Variants in JAG1 observed in about 807,000 individuals in gnomAD.
JAG1 encodes the protein protein jagged-1.
A neutral mutation model predicts 148.7 loss-of-function variants in JAG1; 23 were observed. That is an observed-to-expected ratio of 0.15 (90% CI 0.11 to 0.22). The LOEUF (loss-of-function observed/expected upper bound fraction) is 0.22, where lower values mean the gene tolerates loss of function less well. Ranked by LOEUF, JAG1 falls within the 10% of genes least tolerant of loss-of-function variation. The pLI is 1.00. For missense variants in JAG1, 1,054 were observed against 1,611.2 expected (o/e 0.65, Z 5.92); for synonymous variants, 572 against 598.3 (o/e 0.96, Z 0.64).
chr20:10,660,975 G>A (rs1290806111), intron 3 of JAG1, among the ~76,000 whole-genome samples: 1 of 152,174 alleles, frequency 6.6e-6, no homozygotes, highest in Non-Finnish European at 1.5e-5. Context: ...ACCTGGAAGG[G>A]GGCCTTAGCC....
At chr20:10,640,955 T>G in intron 24 of JAG1, 22 bp from the exon 25 acceptor site, 1 of 1,614,010 alleles carries the variant, frequency 6.2e-7, no homozygotes. Flanking sequence ...ATTGTCAGAC[T>G]TGAGAGTCAG....
chr20:10,659,409 C>T (rs1260320564), intron 3 of JAG1, among the ~76,000 whole-genome samples: 1 of 152,328 alleles, frequency 6.6e-6, no homozygotes, highest in East Asian at 1.9e-4. Flanking sequence ...GAGACAGTAG[C>T]TCCCTATGGA....
chr20:10,667,531 G>T (rs1363502098), intron 2 of JAG1, among the ~76,000 whole-genome samples: 2 of 152,238 alleles, frequency 1.3e-5, no homozygotes, highest in African/African-American at 4.8e-5. Flanking sequence ...TGTGGCGCAT[G>T]CACACGTACT....
In JAG1 at chr20:10,639,413, C is replaced by CG; in HGVS notation, c.*84dup. On this transcript the variant is annotated 3_prime_UTR_variant, in exon 26 of 26. Transcript: ENST00000254958. ...TAACACAGGGATTCTAAGTCAGCAA[C>CG]GGCCTCAGACTCGAGTATGACACGA... 8.3e-7 allele frequency: 1 copy of CG among 1,205,314 alleles called. No homozygotes were observed. The highest frequency in any genetic ancestry group is 1.2e-6 in the Non-Finnish European group (1 of 807,412). The allele number at this position is 1,205,314 out of a possible 1,614,324, so 74.7% of individuals were successfully genotyped here. A position where few individuals can be genotyped will look rare whatever the true frequency, so the allele number is the denominator to read the frequency against.
Position 10,641,167 on chromosome 20 carries a change from G to A in JAG1, c.2994C>T (p.Ile998=), listed in dbSNP as rs1448335630. The A allele has an allele frequency of 6.2e-7, 1 of 1,613,864 alleles. No individual in the cohort carries two copies. Among genetic ancestry groups the A allele is most frequent in the Non-Finnish European group, 8.5e-7 (1 of 1,180,018 alleles). The stretch of plus-strand genomic sequence containing the variant: ...AAGGGGAAGGCTCGCAAGCGATGTA[G>A]ATTGAATATTCAGCGGAAACATTCT... ...ILKNVSAEYS[I]YIACEPSPSA... The change falls in exon 24 of 26, where the codon ATC becomes ATT. Residue 998 remains isoleucine, a synonymous_variant. Coordinates refer to ENST00000254958, the MANE Select transcript of JAG1 (RefSeq NM_000214.3).
intron 2 of JAG1, 52 bp from the exon 3 acceptor site, chr20:10,664,066 A>G (rs1337915882): frequency 6.9e-7 from 1 of 1,449,918 alleles, no homozygotes; most frequent in Non-Finnish European, 9.7e-7. Flanking sequence ...CGACTTTCCA[A>G]AATCTCGTAC....
intron 19 of JAG1, 85 bp downstream of exon 19, chr20:10,644,272 A>ATT: frequency 9.8e-7 from 1 of 1,021,734 alleles, no homozygotes; most frequent in Non-Finnish European, 1.5e-6. Flanking sequence ...TCCCTGGGTG[A>ATT]TTCTCACACA....
chr20:10,653,688 C>A (rs2067361044), intron 5 of JAG1, among the ~76,000 whole-genome samples: 3 of 152,052 alleles, frequency 2.0e-5, no homozygotes. Flanking sequence ...AGCTGTAACT[C>A]TGGAAAACAA....
rs773431867 is a variant in JAG1, at chr20:10,641,624, T to A, written c.2752A>T (p.Ile918Phe). 4 of 1,613,906 alleles carry A rather than the reference T, an allele frequency of 2.5e-6. No individual in the cohort carries two copies. The South Asian group carries it at 4.4e-5, about 18-fold the overall frequency. Residue 918 changes from isoleucine to phenylalanine, a missense_variant, in exon 23 of 26, where the codon ATC becomes TTC. Physicochemically the swap from Ile to Phe is conservative, Grantham distance 21. This residue lies in a region of JAG1 where 342 missense variants were observed against 514.6 expected (regional missense o/e 0.66). Coordinates refer to ENST00000254958, the MANE Select transcript of JAG1 (RefSeq NM_000214.3). ...HSECPSGQSC[I>F]PILDDQCFVH... is the part of the protein sequence containing the mutation. ...AAGCACTGGTCGTCCAGGATGGGGA[T>A]GCAGCTCTGCCCGCTGGGGCACTCG...
chr20:10,652,268 G>A lies in JAG1; in HGVS notation c.887-18C>T. The stretch of plus-strand genomic sequence containing the variant: ...ATTGAGATCTGCCAAAAAGATCCTG[G>A]AGTCACTAAGAGACGCCTGTGAAGA... On this transcript the variant is annotated intron_variant, in intron 6 of 25. Coordinates refer to ENST00000254958, the MANE Select transcript of JAG1 (RefSeq NM_000214.3). The A allele has an allele frequency of 6.2e-7, 1 of 1,613,740 alleles. No individual in the cohort carries two copies. The highest frequency in any genetic ancestry group is 8.5e-7 in the Non-Finnish European group (1 of 1,179,862).
At chr20:10,669,365 G>A (rs1380003385) in intron 2 of JAG1, among the ~76,000 whole-genome samples, 1 of 151,624 alleles carries the variant, frequency 6.6e-6, no homozygotes, top group Non-Finnish European at 1.5e-5. Flanking sequence ...AGCCCTCCAT[G>A]TGCCCACACC....
Position 10,673,331 on chromosome 20 carries a change from A to C in JAG1, c.81+119T>G. ...AGCCCAGGTGCAGCCGCTCGGGCGC[A>C]GGGGCGAGGAGTCGGGCGCTCGAGG... On this transcript the variant is annotated intron_variant, in intron 1 of 25. Coordinates refer to ENST00000254958, the MANE Select transcript of JAG1 (RefSeq NM_000214.3). The surrounding 1 kb of genome is among the most constrained non-coding windows in gnomAD (Gnocchi z 4.7). 1 of 780,728 alleles carries C rather than the reference A, an allele frequency of 1.3e-6. No individual in the cohort carries two copies. Among genetic ancestry groups the C allele is most frequent in the Non-Finnish European group, 2.0e-6 (1 of 497,326 alleles). 48.4% of individuals were successfully genotyped at this position (780,728 alleles called of 1,614,324 possible).
rs1333220931 is a variant in JAG1, at chr20:10,649,542, A to G, written c.1328T>C (p.Met443Thr). Residue 443 changes from methionine (M) to threonine (T), a missense_variant, in exon 10 of 26, where the codon ATG becomes ACG. Physicochemically the swap from Met to Thr is moderately conservative, Grantham distance 81. This residue lies in a region of JAG1 where 245 missense variants were observed against 373.1 expected (regional missense o/e 0.66). Coordinates refer to ENST00000254958, the MANE Select transcript of JAG1 (RefSeq NM_000214.3). ...SYYCDCLPGW[M>T]GQNCDININD... ...CTCACTTATGTCACAATTCTGACCCATCCAGCCGGGAAGACAGTCGCAGTA... is the reference window on the plus strand; with the variant it reads ...CTCACTTATGTCACAATTCTGACCCGTCCAGCCGGGAAGACAGTCGCAGTA... The G allele has an allele frequency of 6.2e-7, 1 of 1,610,860 alleles. No individual in the cohort carries two copies. The highest frequency in any genetic ancestry group is 1.7e-5 in the Admixed American group (1 of 60,030).
At position 10,656,431 on chromosome 20, in the gene JAG1, T is replaced by G; in HGVS notation, c.722A>C (p.Lys241Thr). ...ACCTGGGAGTTTGCAAGACCCATGC[T>G]TAGGACTGCAGCCTTGTCGGCAAAT... is the stretch of plus-strand genomic sequence containing the variant. ...RAICRQGCSP[K>T]HGSCKLPGDC... The change falls in exon 5 of 26, where the codon AAG (lysine) becomes ACG (threonine). Residue 241 changes from lysine (K) to threonine (T), a missense_variant. By Grantham distance (78) the Lys-to-Thr change is moderately conservative. Coordinates refer to ENST00000254958, the MANE Select transcript of JAG1 (RefSeq NM_000214.3). The G allele has an allele frequency of 6.2e-7, 1 of 1,614,064 alleles. No individual in the cohort carries two copies. Among genetic ancestry groups the G allele is most frequent in the Non-Finnish European group, 8.5e-7 (1 of 1,179,916 alleles).
chr20:10,642,523 C>G lies in JAG1; in HGVS notation c.2537G>C (p.Cys846Ser). Reference sequence around the variant, plus strand: ...CTTGGCACCACTGTGCCCTGGAGGGCAGACACACCGGTAGCCATTGATCTC... The same window carrying G: ...CTTGGCACCACTGTGCCCTGGAGGGGAGACACACCGGTAGCCATTGATCTC... ...VDEINGYRCV[C>S]PPGHSGAKCQ... Residue 846 changes from cysteine to serine, a missense_variant, in exon 21 of 26, where the codon TGC becomes TCC. Coordinates refer to ENST00000254958, the MANE Select transcript of JAG1 (RefSeq NM_000214.3). 4 of 1,613,624 alleles carry G rather than the reference C, an allele frequency of 2.5e-6. No individual in the cohort carries two copies. Among genetic ancestry groups the G allele is most frequent in the Non-Finnish European group, 3.4e-6 (4 of 1,179,560 alleles).
rs769685858 is a variant in JAG1 at position 10,639,632 on chromosome 20, C to T, written c.3523G>A (p.Ala1175Thr). The T allele has an allele frequency of 3.1e-6, 5 of 1,614,080 alleles. No individual in the cohort carries two copies. The African/African-American group carries it at 6.7e-5, about 22-fold the overall frequency. Residue 1175 changes from alanine to threonine, a missense_variant, in exon 26 of 26, where the codon GCG (alanine) becomes ACG (threonine). This residue lies in a region of JAG1 where 177 missense variants were observed against 177.3 expected (regional missense o/e 1.00). Coordinates refer to ENST00000254958, the MANE Select transcript of JAG1 (RefSeq NM_000214.3). ...QQKARFAKQP[A>T]YTLVDREEKP... ...TCTTCTCTGTCTACCAGCGTGTACG[C>T]CGGCTGCTTGGCAAACCGGGCTTTC...
intron 2 of JAG1, among the ~76,000 whole-genome samples, chr20:10,664,393 CACACACACACACACACACA>C (rs2067438447): frequency 6.7e-6 from 1 of 148,434 alleles, no homozygotes; most frequent in African/African-American, 2.6e-5. Flanking sequence ...CACACACACA[CACACACACACACACACACA>C]AAGAATTTAT....
chr20:10,657,779 G>A (rs1391474369), intron 4 of JAG1, among the ~76,000 whole-genome samples: 1 of 152,164 alleles, frequency 6.6e-6, no homozygotes, highest in Non-Finnish European at 1.5e-5. Flanking sequence ...TACACCAATA[G>A]GAAAGCTTGA....
intron 2 of JAG1, among the ~76,000 whole-genome samples, chr20:10,669,020 C>A (rs1321376993): frequency 2.4e-5 from 2 of 81,786 alleles, no homozygotes; most frequent in Non-Finnish European, 4.7e-5. Context: ...GAAGGTTACA[C>A]CTGCAAGAGA....
Sources: gnomAD v4.1 joint callset for allele counts (sites outside exome capture counted in the v4.1 genomes callset) on GRCh38, gnomAD v4.1.1 for gene constraint, gnomAD v4.1.1 regional missense constraint, Gnocchi (gnomAD v3.1) non-coding constraint, MANE v1.5 for transcripts, NCBI Gene and HGNC (gene_info 2026-07-23, HGNC 2026-07-21) for gene names.